Variants in UBE2J1 observed in about 807,000 individuals in gnomAD.
UBE2J1 encodes ubiquitin conjugating enzyme E2 J1, also known as ubiquitin-conjugating enzyme E2 J1.
In UBE2J1, 17 loss-of-function variants were observed where a neutral mutation model predicts 42.1. That is an observed-to-expected ratio of 0.40 (90% CI 0.28 to 0.61). The LOEUF (loss-of-function observed/expected upper bound fraction) is 0.61. Among genes scored for constraint, UBE2J1 ranks in the 20% least tolerant of loss-of-function variants. UBE2J1 has a pLI of 0.38. For missense variants in UBE2J1, 291 were observed against 389.4 expected (o/e 0.75, Z 2.13); for synonymous variants, 127 against 137.2 (o/e 0.93, Z 0.52).
In UBE2J1 at chr6:89,333,110, G is replaced by C. The variant is rs1223406024; in HGVS notation, c.654C>G (p.Phe218Leu). Reference sequence around the variant, plus strand: ...CCGATGTACTGGCCGTAGCACCCTGGAATGTTGTAGGTATATCATCTTGTA... The same window carrying C: ...CCGATGTACTGGCCGTAGCACCCTGCAATGTTGTAGGTATATCATCTTGTA... Reference protein sequence around the residue: ...TDLQDDIPTTFQGATASTSYG... With the variant: ...TDLQDDIPTTLQGATASTSYG... Residue 218 changes from phenylalanine (F) to leucine (L), a missense_variant, in exon 7 of 8, where the codon TTC (phenylalanine) becomes TTG (leucine). Around this residue, in one of 2 missense-constraint regions of UBE2J1, gnomAD observed 176 missense variants for 196.3 expected, o/e 0.90. Transcript: ENST00000435041. The C allele has an allele frequency of 4.3e-6, 7 of 1,611,836 alleles. No homozygotes were observed. The highest frequency in any genetic ancestry group is 1.3e-5 in the African/African-American group (1 of 74,842).
chr6:89,330,102 C>T, intron 7 of UBE2J1, 145 bp from the exon 8 acceptor site: 1 of 826,744 alleles, frequency 1.2e-6, no homozygotes, highest in Non-Finnish European at 1.9e-6. Flanking sequence ...AATAATACAT[C>T]CCTTGAGGGG....
At chr6:89,351,529 C>A (rs1018860608) in intron 1 of UBE2J1, among the ~76,000 whole-genome samples, 1 of 152,150 alleles carries the variant, frequency 6.6e-6, no homozygotes, top group Non-Finnish European at 1.5e-5. Context: ...ATTCTGAAAC[C>A]TTACAAAAAA....
At chr6:89,342,766 T>C (rs527872008) in intron 2 of UBE2J1, among the ~76,000 whole-genome samples, 2 of 152,182 alleles carry the variant, frequency 1.3e-5, no homozygotes, top group Non-Finnish European at 2.9e-5. Flanking sequence ...CTTGAAAGAA[T>C]AGCAAATTAT....
Position 89,333,138 on chromosome 6 carries a change from T to C in UBE2J1, c.626A>G (p.Asp209Gly). Residue 209 changes from aspartate (D) to glycine (G), a missense_variant, in exon 7 of 8, where the codon GAT becomes GGT. Physicochemically the swap from Asp to Gly is moderately conservative, Grantham distance 94. Coordinates refer to ENST00000435041, the MANE Select transcript of UBE2J1 (RefSeq NM_016021.3). ...TGTTGTAGGTATATCATCTTGTAAA[T>C]CAGTTAGTGAAAAAGAGTGGTTTAA... ...SDLNHSFSLT[D>G]LQDDIPTTFQ... The C allele has an allele frequency of 6.2e-7, 1 of 1,613,316 alleles. No individual in the cohort carries two copies. The highest frequency in any genetic ancestry group is 8.5e-7 in the Non-Finnish European group (1 of 1,179,578).
At chr6:89,343,649 A>G in intron 2 of UBE2J1, 34 bp downstream of exon 2, 2 of 1,515,354 alleles carry the variant, frequency 1.3e-6, no homozygotes, top group South Asian at 2.5e-5. Context: ...TAAATATTAA[A>G]ATCCATATGA....
At chr6:89,331,474 T>C (rs755489761) in intron 7 of UBE2J1, among the ~76,000 whole-genome samples, 6 of 152,224 alleles carry the variant, frequency 3.9e-5, no homozygotes, top group Non-Finnish European at 7.3e-5. Context: ...ATTTATTTAA[T>C]TGTATTCTTA....
rs951292521 is a variant in UBE2J1, at chr6:89,327,773, A to C, written c.*1906T>G. 5.3e-5 allele frequency: 8 copies of C among 152,194 alleles called. No homozygotes were observed. Among genetic ancestry groups the C allele is most frequent in the Admixed American group, 2.6e-4 (4 of 15,268 alleles). The allele number at this position is 152,194 out of a possible 1,614,324, so 9.4% of individuals were successfully genotyped here. The stretch of plus-strand genomic sequence containing the variant: ...CCAGAGGCTGGCTCAAGTTTGACTG[A>C]GGGGAAACGGAGGGAAGGCTGTTCC... On this transcript the variant is annotated 3_prime_UTR_variant, in exon 8 of 8. Coordinates refer to ENST00000435041, the MANE Select transcript of UBE2J1 (RefSeq NM_016021.3).
intron 7 of UBE2J1, among the ~76,000 whole-genome samples, chr6:89,330,924 G>A (rs971842224): frequency 1.3e-5 from 2 of 152,130 alleles, no homozygotes; most frequent in East Asian, 3.8e-4. Flanking sequence ...TCAGAACCTC[G>A]ATCCCTACCC....
At chr6:89,337,226 CTTTTTTT>C (rs202105618) in intron 5 of UBE2J1, among the ~76,000 whole-genome samples, 7 of 136,016 alleles carry the variant, frequency 5.1e-5, no homozygotes, top group African/African-American at 1.9e-4. Flanking sequence ...AACTCCAGTT[CTTTTTTT>C]TTTTTTTTTA....
At chr6:89,330,763 T>G (rs989219547) in intron 7 of UBE2J1, among the ~76,000 whole-genome samples, 1 of 152,074 alleles carries the variant, frequency 6.6e-6, no homozygotes, top group Admixed American at 6.6e-5. Flanking sequence ...ATGCCTGCAC[T>G]CCAACCTGAG....
At position 89,342,334 on chromosome 6, in the gene UBE2J1, A is replaced by G; in HGVS notation, c.227T>C (p.Ile76Thr). 1 of 1,614,086 alleles carries G rather than the reference A, an allele frequency of 6.2e-7. No individual in the cohort carries two copies. The highest frequency in any genetic ancestry group is 1.1e-5 in the South Asian group (1 of 91,060). The change falls in exon 3 of 8, where the codon ATT (isoleucine) becomes ACT (threonine). Residue 76 changes from isoleucine to threonine, a missense_variant. Physicochemically the swap from Ile to Thr is moderately conservative, Grantham distance 89. Around this residue, in one of 2 missense-constraint regions of UBE2J1, gnomAD observed 115 missense variants for 193.1 expected, o/e 0.60. Transcript: ENST00000435041. ...ATCCAAAATTCTTACCGTTAGGAGAATAATGCTTGGTGGTTTCATGGGATA... is the reference window on the plus strand; with the variant it reads ...ATCCAAAATTCTTACCGTTAGGAGAGTAATGCTTGGTGGTTTCATGGGATA... Reference protein sequence around the residue: ...PEYPMKPPSIILLTANGRFEV... With the variant: ...PEYPMKPPSITLLTANGRFEV...
rs999847119 is a variant in UBE2J1, at chr6:89,341,070, C to T, written c.237+1254G>A. Among the ~76,000 whole-genome samples, 4 of 152,190 alleles carry T rather than the reference C, an allele frequency of 2.6e-5. No homozygotes were observed. In the South Asian group the frequency reaches 6.2e-4, roughly 24 times the overall value. On this transcript the variant is annotated intron_variant, in intron 3 of 7. Coordinates refer to ENST00000435041, the MANE Select transcript of UBE2J1 (RefSeq NM_016021.3). The stretch of plus-strand genomic sequence containing the variant: ...GATTACAGGCGTGAGCCACCGCGCC[C>T]GGCCTAATTTGGTATTTATTGATGA...
At position 89,338,317 on chromosome 6, in the gene UBE2J1, T is replaced by A; in HGVS notation, c.323-7A>T. On this transcript the variant is annotated splice_region_variant and splice_polypyrimidine_tract_variant and intron_variant, in intron 4 of 7. Coordinates refer to ENST00000435041, the MANE Select transcript of UBE2J1 (RefSeq NM_016021.3). ...GCTAATAATGCTGTCCTTACTGAAATAAAAAAGTAAATATCAATCTAAATT... is the reference window on the plus strand; with the variant it reads ...GCTAATAATGCTGTCCTTACTGAAAAAAAAAAGTAAATATCAATCTAAATT... 6.2e-7 allele frequency: 1 copy of A among 1,607,310 alleles called. No individual in the cohort carries two copies. The highest frequency in any genetic ancestry group is 8.5e-7 in the Non-Finnish European group (1 of 1,177,152).
At chr6:89,340,839 A>C (rs1245049364) in intron 3 of UBE2J1, among the ~76,000 whole-genome samples, 2 of 150,746 alleles carry the variant, frequency 1.3e-5, no homozygotes, top group East Asian at 3.9e-4. Context: ...GCAGTGGCGC[A>C]ATCTCGGCTC....
rs1767933218 is a variant in UBE2J1, at chr6:89,327,635, T to TC, written c.*2043dup. 6.6e-6 allele frequency: 1 copy of TC among 152,196 alleles called. No individual in the cohort carries two copies. Among genetic ancestry groups the TC allele is most frequent in the African/African-American group, 2.4e-5 (1 of 41,422 alleles). 9.4% of individuals were successfully genotyped at this position (152,196 alleles called of 1,614,324 possible). A position where few individuals can be genotyped will look rare whatever the true frequency, so the allele number is the denominator to read the frequency against. On this transcript the variant is annotated 3_prime_UTR_variant, in exon 8 of 8. Coordinates refer to ENST00000435041, the MANE Select transcript of UBE2J1 (RefSeq NM_016021.3). ...GAGATGCAAGTCAGATAGCAAAGGA[T>TC]CTGCACAGTGCAAAATCTTCTTGGC...
chr6:89,339,020 T>G (rs1044515354), intron 3 of UBE2J1, among the ~76,000 whole-genome samples: 18 of 152,196 alleles, frequency 1.2e-4, no homozygotes, highest in Admixed American at 1.0e-3. Context: ...TTTGTCCTTA[T>G]AGACTCCAAA....
At chr6:89,343,434 CAAAAAAAAAAA>C (rs58981898) in intron 2 of UBE2J1, among the ~76,000 whole-genome samples, 2,767 of 81,114 alleles carry the variant, frequency 0.034, 192 homozygotes, top group East Asian at 0.3. Context: ...GACTCCGCCT[CAAAAAAAAAAA>C]AAAAAAAAAA....
intron 3 of UBE2J1, among the ~76,000 whole-genome samples, chr6:89,340,368 C>G (rs2127868236): frequency 6.6e-6 from 1 of 152,276 alleles, no homozygotes. Flanking sequence ...TCCACCACCA[C>G]CAGTCTCCCC....
chr6:89,337,226 CTT>C (rs202105618), intron 5 of UBE2J1, among the ~76,000 whole-genome samples: 76 of 135,876 alleles, frequency 5.6e-4, no homozygotes, highest in Admixed American at 8.9e-4. Flanking sequence ...AACTCCAGTT[CTT>C]TTTTTTTTTT....
Sources: gnomAD v4.1 joint callset for allele counts (sites outside exome capture counted in the v4.1 genomes callset) on GRCh38, gnomAD v4.1.1 for gene constraint, gnomAD v4.1.1 regional missense constraint, MANE v1.5 for transcripts, NCBI Gene and HGNC (gene_info 2026-07-23, HGNC 2026-07-21) for gene names.